SPINDOC: variants seen among roughly 807,000 people sequenced by gnomAD.
SPINDOC encodes spindlin interactor and repressor of chromatin binding.
In SPINDOC, 13 loss-of-function variants were observed where a neutral mutation model predicts 30.7. That is an observed-to-expected ratio of 0.42 (90% CI 0.28 to 0.67). The LOEUF (loss-of-function observed/expected upper bound fraction) is 0.67. Among genes scored for constraint, SPINDOC ranks in the 30% least tolerant of loss-of-function variants. The pLI is 0.22. For synonymous variants in SPINDOC, 228 were observed against 211.4 expected (o/e 1.08, Z -0.68); for missense variants, 438 against 518.0 (o/e 0.85, Z 1.50).
intron 5 of SPINDOC, among the ~76,000 whole-genome samples, chr11:63,820,906 A>AC (rs2015501634): frequency 6.8e-6 from 1 of 147,856 alleles, no homozygotes; most frequent in South Asian, 2.1e-4. Context: ...AAAAAAAAAA[A>AC]ACAACACACA....
intron 5 of SPINDOC, among the ~76,000 whole-genome samples, chr11:63,826,469 G>A (rs2015658175): frequency 6.6e-6 from 1 of 152,130 alleles, no homozygotes; most frequent in African/African-American, 2.4e-5. Context: ...TGTCCCCCAC[G>A]TAGTCCCTCA....
At position 63,813,522 on chromosome 11, in the gene SPINDOC, C is replaced by T; in HGVS notation, c.-165C>T. On this transcript the variant is annotated 5_prime_UTR_variant, in exon 1 of 6. Coordinates refer to ENST00000294244, the MANE Select transcript of SPINDOC (RefSeq NM_138471.3). ...CTCGGGGAGGCCCGGACGCGCCGGT[C>T]GCAGGCCCGGCCGGCGAGCGGCGGG... 2 of 446,628 alleles carry T rather than the reference C, an allele frequency of 4.5e-6. No individual in the cohort carries two copies. The highest frequency in any genetic ancestry group is 5.9e-6 in the Non-Finnish European group (2 of 340,276). 27.7% of individuals were successfully genotyped at this position (446,628 alleles called of 1,614,324 possible).
intron 5 of SPINDOC, chr11:63,822,561 A>T: frequency 7.9e-7 from 1 of 1,265,192 alleles, no homozygotes; most frequent in Non-Finnish European, 1.0e-6. Context: ...CCTAAATTTG[A>T]GCCCCCCGTT....
chr11:63,814,826 A>C (rs1400824066), intron 1 of SPINDOC, among the ~76,000 whole-genome samples: 1 of 152,208 alleles, frequency 6.6e-6, no homozygotes, highest in African/African-American at 2.4e-5. Context: ...ACTTCTGCTA[A>C]TATTTGTTGA....
Position 63,827,344 on chromosome 11 carries a change from A to T in SPINDOC, c.*205A>T, listed in dbSNP as rs565139340. ...GGCCTGAGGTCGGCGAGGGTGGCTG[A>T]GGCTGTTGTGCAGTAGGGCACTGGG... is the stretch of plus-strand genomic sequence containing the variant. On this transcript the variant is annotated 3_prime_UTR_variant, in exon 6 of 6. Coordinates refer to ENST00000294244, the MANE Select transcript of SPINDOC (RefSeq NM_138471.3). The T allele has an allele frequency of 1.4e-4, 130 of 899,122 alleles. No homozygotes were observed. Among genetic ancestry groups the T allele is most frequent in the Non-Finnish European group, 1.3e-4 (78 of 604,650 alleles). The allele number at this position is 899,122 out of a possible 1,614,324, so 55.7% of individuals were successfully genotyped here. A position where few individuals can be genotyped will look rare whatever the true frequency, so the allele number is the denominator to read the frequency against.
chr11:63,827,111 G>T lies in SPINDOC; in HGVS notation c.1118G>T (p.Gly373Val). 1.2e-6 allele frequency: 2 copies of T among 1,614,070 alleles called. No individual in the cohort carries two copies. Among genetic ancestry groups the T allele is most frequent in the African/African-American group, 1.3e-5 (1 of 75,062 alleles). ...VLSESSTTVA[G>V]KPEKGNGV Reference sequence around the variant, plus strand: ...TCAGAATCCAGCACCACTGTGGCAGGGAAGCCGGAAAAAGGGAATGGAGTG... The same window carrying T: ...TCAGAATCCAGCACCACTGTGGCAGTGAAGCCGGAAAAAGGGAATGGAGTG... Residue 373 changes from glycine (G) to valine (V), a missense_variant, in exon 6 of 6, where the codon GGG (glycine) becomes GTG (valine). Physicochemically the swap from Gly to Val is moderately radical, Grantham distance 109. Transcript: ENST00000294244.
chr11:63,823,365 AAAAAAATT>A (rs2015579795), intron 5 of SPINDOC: 2 of 1,179,552 alleles, frequency 1.7e-6, no homozygotes, highest in Admixed American at 3.7e-5. Context: ...TGCCACTTTA[AAAAAAATT>A]AGAGGTGTAA....
intron 5 of SPINDOC, chr11:63,823,389 G>A (rs528718838): frequency 1.9e-5 from 22 of 1,168,148 alleles, no homozygotes; most frequent in Admixed American, 3.7e-5. Context: ...TGTAAAAATC[G>A]TGGATTTAAC....
rs143533021 is a variant in SPINDOC at position 63,818,529 on chromosome 11, G to T, written c.610G>T (p.Val204Phe). The T allele has an allele frequency of 6.2e-7, 1 of 1,611,554 alleles. No homozygotes were observed. The highest frequency in any genetic ancestry group is 8.5e-7 in the Non-Finnish European group (1 of 1,179,868). Residue 204 changes from valine to phenylalanine, a missense_variant and splice_region_variant, in exon 4 of 6, where the codon GTC becomes TTC. Physicochemically the swap from Val to Phe is conservative, Grantham distance 50. Transcript: ENST00000294244. The surrounding 1 kb of genome is among the most constrained non-coding windows in gnomAD (Gnocchi z 5.3). The part of the protein sequence containing the change: ...RGLRPLELPA[V>F]PATEPGNKKP... The stretch of plus-strand genomic sequence containing the variant: ...TATGAGGTCTTTTCTTTTTGCAGCT[G>T]TCCCTGCCACAGAGCCAGGAAATAA...
intron 1 of SPINDOC, among the ~76,000 whole-genome samples, chr11:63,814,518 C>T (rs2015287441): frequency 6.6e-6 from 1 of 152,208 alleles, no homozygotes. Context: ...TCACCGATTT[C>T]TAGTCCTCAG....
At position 63,817,786 on chromosome 11, in the gene SPINDOC, TC is replaced by T. The variant is rs2015381992; in HGVS notation, c.128-14del. On this transcript the variant is annotated intron_variant, in intron 1 of 5. Transcript: ENST00000294244. ...GTGGGCACCTTTAGTGATAACACCC[TC>T]CCCCTCTCCCCTCGCAGTGACCCAA... The T allele has an allele frequency of 3.3e-6, 5 of 1,532,654 alleles. No individual in the cohort carries two copies. Among genetic ancestry groups the T allele is most frequent in the African/African-American group, 1.4e-5 (1 of 72,884 alleles). The allele number at this position is 1,532,654 out of a possible 1,614,324, so 94.9% of individuals were successfully genotyped here.
chr11:63,825,037 C>A (rs1030447566), intron 5 of SPINDOC, among the ~76,000 whole-genome samples: 13 of 152,222 alleles, frequency 8.5e-5, no homozygotes, highest in Non-Finnish European at 1.6e-4. Context: ...CGCCTGGTTC[C>A]TGTAACAAAC....
At chr11:63,820,363 A>T (rs1464287102) in intron 5 of SPINDOC, among the ~76,000 whole-genome samples, 1 of 145,838 alleles carries the variant, frequency 6.9e-6, no homozygotes, top group Admixed American at 7.1e-5. Flanking sequence ...GCGCCACTGC[A>T]CTCCAGCCTG....
intron 1 of SPINDOC, among the ~76,000 whole-genome samples, chr11:63,814,917 C>A (rs1319088196): frequency 6.6e-6 from 1 of 152,190 alleles, no homozygotes; most frequent in Non-Finnish European, 1.5e-5. Context: ...ACTGTTAGGG[C>A]AGGAATAGAC....
At chr11:63,820,556 A>G (rs2015485836) in intron 5 of SPINDOC, among the ~76,000 whole-genome samples, 2 of 151,970 alleles carry the variant, frequency 1.3e-5, no homozygotes, top group African/African-American at 2.4e-5. Context: ...TCAGTTTCCT[A>G]TTTGCTGCTG....
Position 63,818,739 on chromosome 11 carries a change from C to T in SPINDOC, c.734-63C>T, listed in dbSNP as rs1034984261. ...CAGTGAGGATGGAGCAGGGCCTGGGCGCAGGGCGCCTGCAGCTCCTGAGGC... is the reference window on the plus strand; with the variant it reads ...CAGTGAGGATGGAGCAGGGCCTGGGTGCAGGGCGCCTGCAGCTCCTGAGGC... On this transcript the variant is annotated intron_variant, in intron 4 of 5. Transcript: ENST00000294244. The surrounding 1 kb of genome is among the most constrained non-coding windows in gnomAD (Gnocchi z 5.3). The T allele has an allele frequency of 4.0e-5, 64 of 1,611,592 alleles. No homozygotes were observed. Among genetic ancestry groups the T allele is most frequent in the Middle Eastern group, 1.7e-4 (1 of 6,058 alleles).
At chr11:63,822,079 G>A (rs924465630) in intron 5 of SPINDOC, among the ~76,000 whole-genome samples, 4 of 152,154 alleles carry the variant, frequency 2.6e-5, no homozygotes, top group African/African-American at 9.7e-5. Flanking sequence ...GTGGCTCACA[G>A]ACCTGTCATT....
At chr11:63,820,517 A>G (rs916344923) in intron 5 of SPINDOC, among the ~76,000 whole-genome samples, 2 of 152,142 alleles carry the variant, frequency 1.3e-5, no homozygotes, top group Non-Finnish European at 1.5e-5. Context: ...TCTCAAAGAA[A>G]TGGTTCCTTC....
rs779481076 is a variant in SPINDOC at position 63,818,881 on chromosome 11, C to T, written c.813C>T (p.Pro271=). The T allele has an allele frequency of 3.9e-5, 63 of 1,614,026 alleles. No individual in the cohort carries two copies. The highest frequency in any genetic ancestry group is 2.3e-4 in the Admixed American group (14 of 60,010). The change falls in exon 5 of 6, where the codon CCC becomes CCT. Residue 271 remains proline (P), a synonymous_variant. Coordinates refer to ENST00000294244, the MANE Select transcript of SPINDOC (RefSeq NM_138471.3). This position sits in a 1 kb window ranked among gnomAD's most constrained non-coding sequence, Gnocchi z 5.3. ...EVRHFTDGSF[P]AGFVLQLFSH... ...GACACTTCACTGACGGCAGCTTCCC[C>T]GCCGGCTTCGTCTTGCAGCTCTTCT...
Sources: allele counts gnomAD v4.1 joint callset (sites outside exome capture counted in the v4.1 genomes callset), GRCh38; gene constraint gnomAD v4.1.1; non-coding constraint Gnocchi (gnomAD v3.1); transcripts MANE v1.5; gene names NCBI Gene and HGNC (gene_info 2026-07-23, HGNC 2026-07-21).